Variants in MMRN1 observed in about 807,000 individuals in gnomAD.
MMRN1 encodes multimerin 1.
Under a neutral mutation model 100.7 loss-of-function variants are expected in MMRN1, and 94 were observed. That is an observed-to-expected ratio of 0.93 (90% confidence interval 0.79 to 1.11). The LOEUF (loss-of-function observed/expected upper bound fraction) is 1.11, where lower values mean the gene tolerates loss of function less well. Ranked by LOEUF, MMRN1 falls within the 50% of genes least tolerant of loss-of-function variation. The pLI, the probability that MMRN1 is intolerant of heterozygous loss-of-function variation, is 0.00. For missense variants in MMRN1, 1,606 were observed against 1,439.1 expected (o/e 1.12, Z -1.88); for synonymous variants, 575 against 505.0 (o/e 1.14, Z -1.86).
At chr4:89,931,097 A>G (rs574186080) in intron 5 of MMRN1, among the ~76,000 whole-genome samples, 2 of 152,206 alleles carry the variant, frequency 1.3e-5, no homozygotes, top group Admixed American at 1.3e-4. Flanking sequence ...TTGGACTTTT[A>G]AACTTACTTT....
chr4:89,935,455 G>A lies in MMRN1; in HGVS notation c.1775G>A (p.Cys592Tyr), dbSNP rs374677318. 6.2e-6 allele frequency: 10 copies of A among 1,613,432 alleles called. No individual in the cohort carries two copies. The highest frequency in any genetic ancestry group is 1.1e-5 in the South Asian group (1 of 91,074). The change falls in exon 6 of 8, where the codon TGT (cysteine) becomes TAT (tyrosine). Residue 592 changes from cysteine to tyrosine, a missense_variant. Transcript: ENST00000264790. ...GAGAAAGAGTCTCTCAGAGGTGAAT[G>A]TGAAGACATGTTATCCAAATGCAGA... ...EMEKESLRGE[C>Y]EDMLSKCRND...
intron 7 of MMRN1, 41 bp downstream of exon 7, chr4:89,951,792 C>A: frequency 1.3e-6 from 2 of 1,587,504 alleles, no homozygotes; most frequent in South Asian, 2.3e-5. Flanking sequence ...TGCTCATTGT[C>A]ATAAATAGAA....
chr4:89,900,019 A>T lies in MMRN1; in HGVS notation c.623+4425A>T, dbSNP rs370731558. 8.5e-5 allele frequency among the ~76,000 whole-genome samples: 13 copies of T among 152,208 alleles called. No individual in the cohort carries two copies. In the East Asian group the frequency reaches 1.6e-3, roughly 18 times the overall value. On this transcript the variant is annotated intron_variant, in intron 1 of 7. Transcript: ENST00000264790. Reference sequence around the variant, plus strand: ...TTATTTTAGGTACTAATCAGAAGGAAAAGTATGACATCATACTTGCTTAAT... The same window carrying T: ...TTATTTTAGGTACTAATCAGAAGGATAAGTATGACATCATACTTGCTTAAT...
chr4:89,951,727 G>T lies in MMRN1; in HGVS notation c.3241G>T (p.Val1081Leu), dbSNP rs758520712. Residue 1081 changes from valine to leucine, a missense_variant, in exon 7 of 8, where the codon GTG becomes TTG. Physicochemically the swap from Val to Leu is conservative, Grantham distance 32. Transcript: ENST00000264790. ...TGGTGACAACTGCACTATCAAGCTT[G>T]TGGAAGAAAATGCTTTAGCTCCAGG... Reference protein sequence around the residue: ...FTGDNCTIKLVEENALAPDFS... With the variant: ...FTGDNCTIKLLEENALAPDFS... 3.1e-6 allele frequency: 5 copies of T among 1,612,640 alleles called. No individual in the cohort carries two copies. In the South Asian group the frequency reaches 5.5e-5, roughly 18 times the overall value.
Position 89,895,287 on chromosome 4 carries a change from G to T in MMRN1, c.316G>T (p.Ala106Ser), listed in dbSNP as rs369585513. Residue 106 changes from alanine (A) to serine (S), a missense_variant, in exon 1 of 8, where the codon GCA becomes TCA. Physicochemically the swap from Ala to Ser is moderately conservative, Grantham distance 99. Coordinates refer to ENST00000264790, the MANE Select transcript of MMRN1 (RefSeq NM_007351.3). ...RNQTLTSTEK[A>S]EGVVKLQNLT... Reference sequence around the variant, plus strand: ...TCAAACTCTCACATCCACAGAGAAAGCAGAAGGAGTGGTCAAGTTACAGAA... The same window carrying T: ...TCAAACTCTCACATCCACAGAGAAATCAGAAGGAGTGGTCAAGTTACAGAA... 6.7e-5 allele frequency: 108 copies of T among 1,613,748 alleles called. No individual in the cohort carries two copies. The highest frequency in any genetic ancestry group is 8.7e-5 in the Non-Finnish European group (103 of 1,179,932).
chr4:89,910,469 G>A lies in MMRN1; in HGVS notation c.743+1074G>A, dbSNP rs114508914. Among the ~76,000 whole-genome samples the A allele has an allele frequency of 2.8e-3, 422 of 151,266 alleles. 2 individuals carry two copies. Among genetic ancestry groups the A allele is most frequent in the Middle Eastern group, 0.024 (7 of 294 alleles). On this transcript the variant is annotated intron_variant, in intron 2 of 7. Transcript: ENST00000264790. ...CTTATCTTTTTTATGCCTTCTGAGT[G>A]GGTGCATTCATTCGCTATTTTTAAT...
Position 89,927,826 on chromosome 4 carries a change from C to A in MMRN1, c.987C>A (p.Asn329Lys), listed in dbSNP as rs1722309183. 6.2e-7 allele frequency: 1 copy of A among 1,611,944 alleles called. No individual in the cohort carries two copies. The highest frequency in any genetic ancestry group is 1.3e-5 in the African/African-American group (1 of 74,888). ...EVMQKMTDQVNYQAMKLTLLQ... is the reference protein window; with the variant it reads ...EVMQKMTDQVKYQAMKLTLLQ... ...TGCAAAAAATGACTGATCAGGTGAA[C>A]TACCAGGCAATGAAACTGACTCTTC... Residue 329 changes from asparagine to lysine, a missense_variant, in exon 5 of 8, where the codon AAC (asparagine) becomes AAA (lysine). Physicochemically the swap from Asn to Lys is moderately conservative, Grantham distance 94. Transcript: ENST00000264790.
intron 7 of MMRN1, 104 bp downstream of exon 7, chr4:89,951,855 C>T (rs1723190222): frequency 7.8e-7 from 1 of 1,278,550 alleles, no homozygotes; most frequent in Non-Finnish European, 1.1e-6. Context: ...TAATCTGGAT[C>T]CACTTGACAA....
chr4:89,925,302 A>ATTTTTTTTTTTT (rs1176427401), intron 4 of MMRN1, among the ~76,000 whole-genome samples: 1 of 101,962 alleles, frequency 9.8e-6, no homozygotes, highest in African/African-American at 4.4e-5. Context: ...TGCCTGGTTA[A>ATTTTTTTTTTTT]TTTTTTTTTT....
At chr4:89,902,238 A>G (rs1045062920) in intron 1 of MMRN1, 3 of 151,872 alleles carry the variant, frequency 2.0e-5, no homozygotes, top group Non-Finnish European at 2.9e-5. Context: ...ATGACAAGTT[A>G]GTGGGTGCAG....
Position 89,895,431 on chromosome 4 carries a change from A to C in MMRN1, c.460A>C (p.Thr154Pro). The stretch of plus-strand genomic sequence containing the variant: ...TGCCAGAAAGTCAAATGAACAAGCA[A>C]CTTCTCTAAACACAGTTGGAGGCAC... ...SFARKSNEQATSLNTVGGTGG... is the reference protein window; with the variant it reads ...SFARKSNEQAPSLNTVGGTGG... Residue 154 changes from threonine (T) to proline (P), a missense_variant, in exon 1 of 8, where the codon ACT (threonine) becomes CCT (proline). Physicochemically the swap from Thr to Pro is conservative, Grantham distance 38. Transcript: ENST00000264790. 7 of 1,613,854 alleles carry C rather than the reference A, an allele frequency of 4.3e-6. No homozygotes were observed. Among genetic ancestry groups the C allele is most frequent in the Non-Finnish European group, 5.9e-6 (7 of 1,179,898 alleles).
intron 7 of MMRN1, among the ~76,000 whole-genome samples, chr4:89,952,645 T>C (rs1723216369): frequency 6.6e-6 from 1 of 152,210 alleles, no homozygotes; most frequent in Non-Finnish European, 1.5e-5. Flanking sequence ...TAAAACATTC[T>C]GACATAACCA....
intron 3 of MMRN1, among the ~76,000 whole-genome samples, chr4:89,920,888 G>A (rs932007454): frequency 4.6e-5 from 7 of 151,836 alleles, no homozygotes; most frequent in African/African-American, 1.7e-4. Context: ...AATCTCAGGT[G>A]AGGGAGTGGA....
chr4:89,925,559 T>C (rs766072416), intron 4 of MMRN1, among the ~76,000 whole-genome samples: 11 of 151,478 alleles, frequency 7.3e-5, no homozygotes, highest in South Asian at 4.2e-4. Flanking sequence ...AGGCTGGGTG[T>C]GGTGGCTCAC....
At chr4:89,899,210 CTT>C (rs113092285) in intron 1 of MMRN1, among the ~76,000 whole-genome samples, 2 of 144,192 alleles carry the variant, frequency 1.4e-5, no homozygotes, top group Admixed American at 7.0e-5. Context: ...AGTTTTTCTT[CTT>C]TTTTTTTTTA....
At chr4:89,908,646 T>G (rs1396383031) in intron 1 of MMRN1, among the ~76,000 whole-genome samples, 1 of 151,512 alleles carries the variant, frequency 6.6e-6, no homozygotes, top group African/African-American at 2.4e-5. Flanking sequence ...TAATAGTGTC[T>G]TTTTTAATTT....
chr4:89,936,310 A>G lies in MMRN1; in HGVS notation c.2630A>G (p.Tyr877Cys), dbSNP rs763367133. The G allele has an allele frequency of 1.9e-6, 3 of 1,612,664 alleles. No individual in the cohort carries two copies. The highest frequency in any genetic ancestry group is 2.5e-6 in the Non-Finnish European group (3 of 1,179,466). Residue 877 changes from tyrosine (Y) to cysteine (C), a missense_variant, in exon 6 of 8, where the codon TAT becomes TGT. Physicochemically the swap from Tyr to Cys is radical, Grantham distance 194. Coordinates refer to ENST00000264790, the MANE Select transcript of MMRN1 (RefSeq NM_007351.3). ...GTTACCCAGACGCTCATACCTTATT[A>G]TATTTCAGTTAAAAAAGGCAGTGTA... ...SKVTQTLIPY[Y>C]ISVKKGSVVT...
At chr4:89,905,085 A>G (rs1480943881) in intron 1 of MMRN1, among the ~76,000 whole-genome samples, 1 of 151,692 alleles carries the variant, frequency 6.6e-6, no homozygotes, top group Non-Finnish European at 1.5e-5. Context: ...ATTTGCAAAA[A>G]GTAGTAAACA....
intron 1 of MMRN1, among the ~76,000 whole-genome samples, chr4:89,889,851 T>C (rs1207752947): frequency 6.6e-6 from 1 of 152,096 alleles, no homozygotes; most frequent in Non-Finnish European, 1.5e-5. Context: ...AAATCATTTT[T>C]AAAACAATCT....
Sources: gnomAD v4.1 joint callset for allele counts (sites outside exome capture counted in the v4.1 genomes callset) on GRCh38, gnomAD v4.1.1 for gene constraint, MANE v1.5 for transcripts, NCBI Gene and HGNC (gene_info 2026-07-23, HGNC 2026-07-21) for gene names.